OSBP2: variants seen among roughly 807,000 people sequenced by gnomAD.
OSBP2 encodes the protein oxysterol binding protein 2.
OSBP2 carries 66 observed loss-of-function variants against 96.0 expected under a neutral mutation model. The ratio of observed to expected loss-of-function variants is 0.69; its 90% confidence interval spans 0.56 to 0.84. The LOEUF (loss-of-function observed/expected upper bound fraction) is 0.84, where lower values mean the gene tolerates loss of function less well. OSBP2 is among the 40% of genes least tolerant of loss of function. OSBP2 has a pLI of 0.00. For synonymous variants in OSBP2, 525 were observed against 520.9 expected (o/e 1.01, Z -0.11); for missense variants, 1,038 against 1,222.7 (o/e 0.85, Z 2.25).
rs1202782066 is a variant in OSBP2, at chr22:30,906,748, G to A, written c.*409G>A. 1 of 163,240 alleles carries A rather than the reference G, an allele frequency of 6.1e-6. No individual in the cohort carries two copies. The highest frequency in any genetic ancestry group is 1.8e-4 in the East Asian group (1 of 5,688). 10.1% of individuals were successfully genotyped at this position (163,240 alleles called of 1,614,324 possible). On this transcript the variant is annotated 3_prime_UTR_variant, in exon 14 of 14. Coordinates refer to ENST00000332585, the MANE Select transcript of OSBP2 (RefSeq NM_030758.4). ...ATCTCCATTTCTTTCCAGCCATGAT[G>A]TTTAGTAAATATTTTTAGTACCGCA...
intron 2 of OSBP2, among the ~76,000 whole-genome samples, chr22:30,841,447 T>A (rs368834626): frequency 6.6e-6 from 1 of 152,208 alleles, no homozygotes; most frequent in African/African-American, 2.4e-5. Flanking sequence ...CTTCTTTCAA[T>A]TAGCATAATG....
rs1271947165 is a variant in OSBP2, at chr22:30,866,342, A to G, written c.854-4087A>G. 2.0e-5 allele frequency among the ~76,000 whole-genome samples: 3 copies of G among 152,238 alleles called. No individual in the cohort carries two copies. In the East Asian group the frequency reaches 5.8e-4, roughly 29 times the overall value. ...AGTAAGGGCAGCCTGCAGAAGCTAG[A>G]AAAGGCAAAGCAACGCCTTCTCCCC... On this transcript the variant is annotated intron_variant, in intron 2 of 13. Transcript: ENST00000332585.
chr22:30,718,173 A>G (rs1360225287), intron 1 of OSBP2, among the ~76,000 whole-genome samples: 3 of 152,190 alleles, frequency 2.0e-5, no homozygotes, highest in Non-Finnish European at 4.4e-5. Context: ...GAATCAAGGC[A>G]TGTGGCCCTG....
intron 2 of OSBP2, among the ~76,000 whole-genome samples, chr22:30,818,283 G>A (rs932845253): frequency 5.4e-5 from 8 of 147,432 alleles, no homozygotes; most frequent in African/African-American, 1.7e-4. Flanking sequence ...TCCTTTCAGC[G>A]TTTTTTTTTT....
intron 2 of OSBP2, among the ~76,000 whole-genome samples, chr22:30,811,755 A>G (rs905932488): frequency 2.0e-5 from 3 of 151,670 alleles, no homozygotes; most frequent in African/African-American, 7.3e-5. Context: ...GGGTTTCACC[A>G]TGTTGGCCAG....
At chr22:30,877,131 C>T (rs1172337674) in intron 3 of OSBP2, among the ~76,000 whole-genome samples, 1 of 151,730 alleles carries the variant, frequency 6.6e-6, no homozygotes, top group Non-Finnish European at 1.5e-5. Context: ...GAGCCCAGCA[C>T]ATGGGAGCCT....
At chr22:30,797,354 C>T (rs1229047989) in intron 2 of OSBP2, among the ~76,000 whole-genome samples, 1 of 152,182 alleles carries the variant, frequency 6.6e-6, no homozygotes, top group Admixed American at 6.5e-5. Context: ...ACAATCTTGG[C>T]TCACTGCAAA....
intron 2 of OSBP2, among the ~76,000 whole-genome samples, chr22:30,858,119 TG>T (rs1461242081): frequency 1.5e-4 from 20 of 136,054 alleles, no homozygotes; most frequent in Non-Finnish European, 2.3e-4. Context: ...TGATTCACTT[TG>T]TTTTTTTTTT....
intron 2 of OSBP2, among the ~76,000 whole-genome samples, chr22:30,748,786 A>G (rs2090038593): frequency 6.6e-6 from 1 of 152,192 alleles, no homozygotes; most frequent in Non-Finnish European, 1.5e-5. Flanking sequence ...CATCCTCAGA[A>G]AGCAAAAGGA....
At chr22:30,844,337 ATCT>A (rs1464825544) in intron 2 of OSBP2, 2 of 152,294 alleles carry the variant, frequency 1.3e-5, no homozygotes, top group African/African-American at 4.8e-5. Flanking sequence ...CCTAGATGAC[ATCT>A]TCTTCCAACA....
At chr22:30,759,568 G>T (rs528049917) in intron 2 of OSBP2, among the ~76,000 whole-genome samples, 2 of 152,080 alleles carry the variant, frequency 1.3e-5, no homozygotes, top group Non-Finnish European at 2.9e-5. Flanking sequence ...TACATAAAAG[G>T]AATGCTACAG....
intron 1 of OSBP2, among the ~76,000 whole-genome samples, chr22:30,710,600 CTT>C (rs538715953): frequency 2.1e-5 from 3 of 143,678 alleles, no homozygotes; most frequent in African/African-American, 5.1e-5. Context: ...TTATACTTGT[CTT>C]TTTTTTTTTT....
chr22:30,867,111 C>A (rs748676703), intron 2 of OSBP2, among the ~76,000 whole-genome samples: 1 of 152,154 alleles, frequency 6.6e-6, no homozygotes, highest in Non-Finnish European at 1.5e-5. Context: ...GGCCTTGGAG[C>A]TGGGTGGGAG....
At chr22:30,785,523 C>T (rs1430364845) in intron 2 of OSBP2, among the ~76,000 whole-genome samples, 7 of 149,064 alleles carry the variant, frequency 4.7e-5, no homozygotes, top group Non-Finnish European at 7.4e-5. Flanking sequence ...GCCAAGATCG[C>T]GCCATTGCAC....
At chr22:30,718,627 G>A (rs2145699759) in intron 1 of OSBP2, among the ~76,000 whole-genome samples, 1 of 152,342 alleles carries the variant, frequency 6.6e-6, no homozygotes. Context: ...GCTTTAGCTG[G>A]GCCTCAGGTG....
intron 12 of OSBP2, chr22:30,902,189 C>T (rs1234196066): frequency 5.0e-6 from 5 of 994,624 alleles, no homozygotes; most frequent in Non-Finnish European, 7.4e-6. Context: ...GCCATGGTTC[C>T]CGTAGCCAGA....
At chr22:30,810,142 T>C (rs1288077166) in intron 2 of OSBP2, among the ~76,000 whole-genome samples, 1 of 152,020 alleles carries the variant, frequency 6.6e-6, no homozygotes, top group East Asian at 1.9e-4. Flanking sequence ...ACACCATCGC[T>C]TGGGCCCATC....
At chr22:30,902,635 G>A (rs113399408) in intron 12 of OSBP2, 8 of 633,428 alleles carry the variant, frequency 1.3e-5, no homozygotes, top group East Asian at 3.0e-5. Flanking sequence ...TCAAAGAACC[G>A]ACAGAGGAGG....
At chr22:30,801,156 C>T (rs1163049951) in intron 2 of OSBP2, among the ~76,000 whole-genome samples, 2 of 152,202 alleles carry the variant, frequency 1.3e-5, no homozygotes, top group Non-Finnish European at 2.9e-5. Flanking sequence ...ATTGTGTACC[C>T]TGTCCCCACA....
Sources: allele counts gnomAD v4.1 joint callset (sites outside exome capture counted in the v4.1 genomes callset), GRCh38; gene constraint gnomAD v4.1.1; transcripts MANE v1.5; gene names NCBI Gene and HGNC (gene_info 2026-07-23, HGNC 2026-07-21).